The following PTPRT variants were observed in gnomAD, a reference collection of about 807,000 sequenced individuals.
PTPRT encodes receptor-type tyrosine-protein phosphatase T.
In PTPRT, 56 loss-of-function variants were observed where a neutral mutation model predicts 176.8. The ratio of observed to expected loss-of-function variants is 0.32; its 90% CI spans 0.26 to 0.40. PTPRT has a LOEUF of 0.40. Ranked by LOEUF, PTPRT falls within the 10% of genes least tolerant of loss-of-function variation. PTPRT has a pLI of 1.00. For missense variants in PTPRT, 1,540 were observed against 1,908.2 expected, an observed-to-expected ratio of 0.81 and a Z score of 3.60; for synonymous variants, 783 against 739.0, an observed-to-expected ratio of 1.06 and a Z score of -0.96.
At chr20:42,090,600 C>T (rs575391423) in intron 27 of PTPRT, among the ~76,000 whole-genome samples, 36 of 152,256 alleles carry the variant, frequency 2.4e-4, no homozygotes, top group Non-Finnish European at 4.0e-4. Flanking sequence ...AAACTGAGCT[C>T]GGCTCCCTGG....
At chr20:42,961,683 G>A (rs1981993025) in intron 1 of PTPRT, among the ~76,000 whole-genome samples, 2 of 152,188 alleles carry the variant, frequency 1.3e-5, no homozygotes, top group Admixed American at 1.3e-4. Context: ...GAGGGGTACT[G>A]TGGTCAGTTG....
intron 12 of PTPRT, among the ~76,000 whole-genome samples, chr20:42,287,551 C>A (rs2057250709): frequency 6.6e-6 from 1 of 151,386 alleles, no homozygotes; most frequent in South Asian, 2.1e-4. Flanking sequence ...AGGTAAAAAG[C>A]AGGAAGCAGA....
In PTPRT at chr20:42,895,569, T is replaced by G. The variant is rs1048723349; in HGVS notation, c.89-9637A>C. 4.6e-5 allele frequency among the ~76,000 whole-genome samples: 7 copies of G among 152,256 alleles called. No individual in the cohort carries two copies. The East Asian group carries it at 1.4e-3, about 29-fold the overall frequency. Reference sequence around the variant, plus strand: ...AGGCCAGGAATCTTGGGGGCTGTCTTAGAATCCCACCCATCACAGGGGGCC... The same window carrying G: ...AGGCCAGGAATCTTGGGGGCTGTCTGAGAATCCCACCCATCACAGGGGGCC... On this transcript the variant is annotated intron_variant, in intron 1 of 30. Coordinates refer to ENST00000373187, the MANE Select transcript of PTPRT (RefSeq NM_007050.6).
intron 2 of PTPRT, among the ~76,000 whole-genome samples, chr20:42,819,900 G>T (rs2077860688): frequency 6.6e-6 from 1 of 152,088 alleles, no homozygotes; most frequent in Non-Finnish European, 1.5e-5. Context: ...CCCAATACAG[G>T]AGCACCCAGA....
chr20:42,083,589 C>G (rs185388154), intron 29 of PTPRT, among the ~76,000 whole-genome samples: 1 of 152,258 alleles, frequency 6.6e-6, no homozygotes, highest in African/African-American at 2.4e-5. Context: ...TTTGACTTGC[C>G]TAACATGTGC....
intron 14 of PTPRT, among the ~76,000 whole-genome samples, chr20:42,240,175 T>C (rs1020226874): frequency 2.0e-5 from 3 of 152,232 alleles, no homozygotes; most frequent in Admixed American, 6.5e-5. Context: ...AGCCTTCTCG[T>C]GCTATCTCTG....
At chr20:42,364,020 C>T (rs998769404) in intron 9 of PTPRT, among the ~76,000 whole-genome samples, 13 of 152,064 alleles carry the variant, frequency 8.5e-5, no homozygotes, top group Admixed American at 2.6e-4. Flanking sequence ...TTGAGTGCAT[C>T]GTTGGGGGCA....
intron 1 of PTPRT, among the ~76,000 whole-genome samples, chr20:42,997,236 T>C (rs183874838): frequency 2.7e-4 from 38 of 140,130 alleles, no homozygotes; most frequent in African/African-American, 9.8e-4. Flanking sequence ...AGGCTCATTC[T>C]CCTCCCCCTT....
intron 5 of PTPRT, among the ~76,000 whole-genome samples, chr20:42,758,230 C>T (rs115938255): frequency 0.02 from 2,977 of 152,296 alleles, 91 homozygotes; most frequent in African/African-American, 0.069. Flanking sequence ...CTCCCAGTCT[C>T]GCAACGCGAT....
chr20:42,782,791 A>C (rs1029814039), intron 3 of PTPRT, among the ~76,000 whole-genome samples: 1 of 152,200 alleles, frequency 6.6e-6, no homozygotes, highest in African/African-American at 2.4e-5. Context: ...GAAAACCTTG[A>C]AGTAGAATTT....
At chr20:42,811,236 T>C (rs2077692994) in intron 2 of PTPRT, among the ~76,000 whole-genome samples, 1 of 152,142 alleles carries the variant, frequency 6.6e-6, no homozygotes, top group Non-Finnish European at 1.5e-5. Flanking sequence ...ATAACTGTCA[T>C]TAACATATGG....
rs1395471497 is a variant in PTPRT, at chr20:42,678,068, A to G, written c.951T>C (p.Asp317=). The G allele has an allele frequency of 1.9e-6, 3 of 1,614,158 alleles. No individual in the cohort carries two copies. Among genetic ancestry groups the G allele is most frequent in the Non-Finnish European group, 2.5e-6 (3 of 1,180,028 alleles). Residue 317 remains aspartate (D), a synonymous_variant, in exon 7 of 31, where the codon GAT becomes GAC. Transcript: ENST00000373187. Reference sequence around the variant, plus strand: ...CCACTTCCTTCAGGATGATGGGGCCATCCCCGATGATGGAGTTGGCATTTG... The same window carrying G: ...CCACTTCCTTCAGGATGATGGGGCCGTCCCCGATGATGGAGTTGGCATTTG... ...IKPNANSIIG[D]GPIILKEVEY...
chr20:42,036,732 G>T, the PTPRT span, among the ~76,000 whole-genome samples: 2 of 152,196 alleles, frequency 1.3e-5, no homozygotes, highest in African/African-American at 4.8e-5. Flanking sequence ...GGTTCAGCCA[G>T]AGAGGCCACA....
chr20:42,569,081 AATATAT>A (rs71335569), intron 7 of PTPRT, among the ~76,000 whole-genome samples: 463 of 30,812 alleles, frequency 0.015, 16 homozygotes, highest in African/African-American at 0.045. Flanking sequence ...AAAAAAAAAA[AATATAT>A]ATATATATAT....
intron 6 of PTPRT, among the ~76,000 whole-genome samples, chr20:42,720,141 C>T (rs1375351286): frequency 1.3e-5 from 2 of 152,198 alleles, no homozygotes; most frequent in East Asian, 3.8e-4. Context: ...CCTTCATACC[C>T]TTGAGGAGAT....
chr20:42,292,103 C>T (rs1331063099), intron 12 of PTPRT, among the ~76,000 whole-genome samples: 1 of 152,084 alleles, frequency 6.6e-6, no homozygotes, highest in Non-Finnish European at 1.5e-5. Flanking sequence ...GACTCTAGAG[C>T]TCCCTCCCAC....
intron 12 of PTPRT, among the ~76,000 whole-genome samples, chr20:42,289,982 A>G (rs1455522485): frequency 6.6e-6 from 1 of 152,072 alleles, no homozygotes; most frequent in Non-Finnish European, 1.5e-5. Context: ...GTACAGAATA[A>G]CAAAGCCCTA....
chr20:43,016,552 C>CTTTTT (rs11482189), intron 1 of PTPRT, among the ~76,000 whole-genome samples: 3 of 76,220 alleles, frequency 3.9e-5, no homozygotes, highest in African/African-American at 1.4e-4. Context: ...TCTAAGGCCA[C>CTTTTT]TTTTTTTTTT....
intron 1 of PTPRT, among the ~76,000 whole-genome samples, chr20:42,916,174 CTCATTG>C (rs1978741231): frequency 7.4e-6 from 1 of 134,912 alleles, no homozygotes. Context: ...TCCATGTGTT[CTCATTG>C]TTCAATTCCC....
Sources: allele counts gnomAD v4.1 joint callset (sites outside exome capture counted in the v4.1 genomes callset), GRCh38; gene constraint gnomAD v4.1.1; transcripts MANE v1.5; gene names NCBI Gene and HGNC (gene_info 2026-07-23, HGNC 2026-07-21).